STAC: variants seen among roughly 807,000 people sequenced by gnomAD.
The protein encoded by STAC is SH3 and cysteine rich domain.
Under a neutral mutation model 48.8 loss-of-function variants are expected in STAC, and 43 were observed. The observed-to-expected ratio is 0.88, with a 90% confidence interval of 0.69 to 1.14. STAC has a LOEUF of 1.14. Among genes scored for constraint, STAC ranks in the 50% most tolerant of loss-of-function variants. The probability of loss-of-function intolerance (pLI) is 0.00; values close to 1 mark genes in which losing one functional copy is unlikely to be tolerated. For missense variants in STAC, 497 were observed against 504.0 expected, an observed-to-expected ratio of 0.99 and a Z score of 0.13; for synonymous variants, 193 against 179.5, an observed-to-expected ratio of 1.07 and a Z score of -0.60.
chr3:36,405,812 C>G (rs777264369), intron 1 of STAC, among the ~76,000 whole-genome samples: 40 of 152,298 alleles, frequency 2.6e-4, no homozygotes, highest in Non-Finnish European at 4.4e-4. Flanking sequence ...CCTCCAAATG[C>G]CTGGGCTCAA....
Position 36,443,243 on chromosome 3 carries a change from C to T in STAC, c.112-121C>T, listed in dbSNP as rs1166727672. ...CACCCACACAGGGACATTTATGAGC[C>T]TCCTCAAGACGGAGGGTGTCAGTGG... is the stretch of plus-strand genomic sequence containing the variant. On this transcript the variant is annotated intron_variant, in intron 1 of 10. Coordinates refer to ENST00000273183, the MANE Select transcript of STAC (RefSeq NM_003149.3). This position sits in a 1 kb window ranked among gnomAD's most constrained non-coding sequence, Gnocchi z 4.2. 6.8e-6 allele frequency: 8 copies of T among 1,174,964 alleles called. No individual in the cohort carries two copies. Among genetic ancestry groups the T allele is most frequent in the Non-Finnish European group, 9.5e-6 (8 of 839,188 alleles). The allele number at this position is 1,174,964 out of a possible 1,614,324, so 72.8% of individuals were successfully genotyped here.
chr3:36,527,862 C>T (rs1698973323), intron 8 of STAC, among the ~76,000 whole-genome samples: 1 of 152,058 alleles, frequency 6.6e-6, no homozygotes, highest in Non-Finnish European at 1.5e-5. Context: ...CACACATACA[C>T]AAATCTAGTA....
intron 2 of STAC, among the ~76,000 whole-genome samples, chr3:36,456,304 T>C (rs1363260871): frequency 6.6e-6 from 1 of 152,216 alleles, no homozygotes; most frequent in Non-Finnish European, 1.5e-5. Flanking sequence ...GAAAGAACTA[T>C]ATCACTTTGC....
At chr3:36,415,883 T>C (rs910222492) in intron 1 of STAC, among the ~76,000 whole-genome samples, 3 of 152,238 alleles carry the variant, frequency 2.0e-5, no homozygotes, top group African/African-American at 7.2e-5. Context: ...GTTTCGGAGT[T>C]CTATGTTTAC....
intron 2 of STAC, among the ~76,000 whole-genome samples, chr3:36,462,079 G>C (rs1697034570): frequency 1.3e-5 from 2 of 152,130 alleles, no homozygotes; most frequent in African/African-American, 4.8e-5. Flanking sequence ...AGGAAGAATA[G>C]AGACAGGGTC....
At chr3:36,452,147 C>A (rs1006236511) in intron 2 of STAC, among the ~76,000 whole-genome samples, 50 of 152,340 alleles carry the variant, frequency 3.3e-4, no homozygotes, top group African/African-American at 1.2e-3. Flanking sequence ...TCAGGTCTGT[C>A]CTTCACTGCC....
At chr3:36,403,327 A>C (rs1700033312) in intron 1 of STAC, among the ~76,000 whole-genome samples, 1 of 152,210 alleles carries the variant, frequency 6.6e-6, no homozygotes, top group Admixed American at 6.5e-5. Flanking sequence ...TAATTAATAA[A>C]AGAAAGGTCT....
chr3:36,392,906 A>G (rs1435759223), intron 1 of STAC, among the ~76,000 whole-genome samples: 1 of 152,138 alleles, frequency 6.6e-6, no homozygotes, highest in Non-Finnish European at 1.5e-5. Context: ...TTCCTGTTGT[A>G]CATAATCCTT....
intron 6 of STAC, among the ~76,000 whole-genome samples, chr3:36,503,839 A>G (rs748390901): frequency 3.0e-4 from 45 of 152,138 alleles, no homozygotes; most frequent in Non-Finnish European, 4.7e-4. Context: ...TAAAAGAAAA[A>G]CCAAATAGTA....
intron 2 of STAC, among the ~76,000 whole-genome samples, chr3:36,446,664 A>T (rs1447307612): frequency 6.6e-6 from 1 of 152,234 alleles, no homozygotes; most frequent in Admixed American, 6.5e-5. Context: ...CTATTAATAT[A>T]ACTAACTCAA....
At chr3:36,525,141 A>T (rs567344715) in intron 8 of STAC, among the ~76,000 whole-genome samples, 422 of 152,186 alleles carry the variant, frequency 2.8e-3, no homozygotes, top group Middle Eastern at 0.024. Flanking sequence ...GATTTTATTC[A>T]CCAGAGTAAA....
intron 2 of STAC, among the ~76,000 whole-genome samples, chr3:36,469,762 T>A (rs572833879): frequency 6.6e-6 from 1 of 151,914 alleles, no homozygotes; most frequent in South Asian, 2.1e-4. Flanking sequence ...TTGTTCATTT[T>A]TTTTTTATTT....
intron 2 of STAC, among the ~76,000 whole-genome samples, chr3:36,478,110 G>T (rs1478671946): frequency 6.6e-6 from 1 of 152,096 alleles, no homozygotes; most frequent in Non-Finnish European, 1.5e-5. Context: ...GCTGTTTATT[G>T]ATTTTGTTGG....
intron 1 of STAC, among the ~76,000 whole-genome samples, chr3:36,411,372 G>A (rs146135184): frequency 1.2e-4 from 18 of 152,136 alleles, no homozygotes; most frequent in Non-Finnish European, 2.1e-4. Context: ...TCAAGAATCT[G>A]CATATGTAAC....
At chr3:36,384,598 A>G (rs1699577873) in intron 1 of STAC, among the ~76,000 whole-genome samples, 1 of 152,202 alleles carries the variant, frequency 6.6e-6, no homozygotes, top group East Asian at 1.9e-4. Flanking sequence ...TGACATTACC[A>G]TAATGTAACT....
chr3:36,486,237 T>C lies in STAC; in HGVS notation c.675T>C (p.Pro225=). 6.2e-7 allele frequency: 1 copy of C among 1,613,500 alleles called. No homozygotes were observed. The highest frequency in any genetic ancestry group is 1.1e-5 in the South Asian group (1 of 90,964). Residue 225 remains proline (P), a synonymous_variant, in exon 5 of 11, where the codon CCT becomes CCC. Coordinates refer to ENST00000273183, the MANE Select transcript of STAC (RefSeq NM_003149.3). ...KGSSGSGSDS[P]HRTSTSDLVE... ...GCTCCGGCAGTGGCTCTGACTCACCTCACAGAACCTCTGTAATTATCCTCT... is the reference window on the plus strand; with the variant it reads ...GCTCCGGCAGTGGCTCTGACTCACCCCACAGAACCTCTGTAATTATCCTCT...
chr3:36,426,574 T>C (rs1700569263), intron 1 of STAC, among the ~76,000 whole-genome samples: 1 of 152,220 alleles, frequency 6.6e-6, no homozygotes, highest in Non-Finnish European at 1.5e-5. Flanking sequence ...TGTTAGCTAC[T>C]TTTTTCAAGC....
At chr3:36,524,357 G>T (rs1006543324) in intron 8 of STAC, among the ~76,000 whole-genome samples, 2 of 152,130 alleles carry the variant, frequency 1.3e-5, no homozygotes, top group Non-Finnish European at 2.9e-5. Flanking sequence ...ACTTTGGGAG[G>T]CTAAGGCAGG....
At chr3:36,394,768 A>C (rs1430481370) in intron 1 of STAC, among the ~76,000 whole-genome samples, 1 of 151,958 alleles carries the variant, frequency 6.6e-6, no homozygotes. Context: ...GCGGTGGTGC[A>C]CACCTGTAGT....
Sources: gnomAD v4.1 joint callset for allele counts (sites outside exome capture counted in the v4.1 genomes callset) on GRCh38, gnomAD v4.1.1 for gene constraint, Gnocchi (gnomAD v3.1) non-coding constraint, MANE v1.5 for transcripts, NCBI Gene and HGNC (gene_info 2026-07-23, HGNC 2026-07-21) for gene names.